ERC1: variants seen among roughly 807,000 people sequenced by gnomAD.
The protein encoded by ERC1 is ELKS/RAB6-interacting/CAST family member 1, also known as RAB6 interacting protein 2.
In ERC1, 56 loss-of-function variants were observed where a neutral mutation model predicts 132.0. The observed-to-expected ratio is 0.42, with a 90% CI of 0.34 to 0.53. The LOEUF (loss-of-function observed/expected upper bound fraction) is 0.53, where lower values mean the gene tolerates loss of function less well. Among genes scored for constraint, ERC1 ranks in the 20% least tolerant of loss-of-function variants. The probability of loss-of-function intolerance (pLI) is 0.03; values close to 1 mark genes in which losing one functional copy is unlikely to be tolerated. For missense variants in ERC1, 1,202 were observed against 1,349.9 expected (o/e 0.89, Z 1.72); for synonymous variants, 478 against 476.1 (o/e 1.00, Z -0.05).
At chr12:1,058,177 C>T (rs1973352785) in intron 2 of ERC1, among the ~76,000 whole-genome samples, 1 of 152,070 alleles carries the variant, frequency 6.6e-6, no homozygotes, top group African/African-American at 2.4e-5. Flanking sequence ...TGTGCAGAAG[C>T]TTTTTAAGTT....
At position 1,493,743 on chromosome 12, in the gene ERC1, G is replaced by A; in HGVS notation, c.*3513G>A. On this transcript the variant is annotated 3_prime_UTR_variant, in exon 19 of 19. Transcript: ENST00000360905. ...AAGGCCGCCTTCAGTGTCAAGAAGG[G>A]CATTGTGACTTGCCCCTCAATTTCT... 4.7e-6 allele frequency: 1 copy of A among 212,194 alleles called. No homozygotes were observed. The highest frequency in any genetic ancestry group is 9.5e-6 in the Non-Finnish European group (1 of 105,328). 13.1% of individuals were successfully genotyped at this position (212,194 alleles called of 1,614,324 possible). A position where few individuals can be genotyped will look rare whatever the true frequency, so the allele number is the denominator to read the frequency against.
intron 1 of ERC1, among the ~76,000 whole-genome samples, chr12:1,010,621 C>T (rs1382616440): frequency 4.0e-5 from 6 of 150,816 alleles, no homozygotes; most frequent in Admixed American, 1.3e-4. Flanking sequence ...AGTGATTCTC[C>T]TGCCTCAGCC....
At chr12:1,308,244 G>A (rs147424907) in intron 15 of ERC1, among the ~76,000 whole-genome samples, 1 of 151,764 alleles carries the variant, frequency 6.6e-6, no homozygotes, top group Non-Finnish European at 1.5e-5. Flanking sequence ...TGCATGAATG[G>A]TAGCAGTTAC....
At chr12:1,071,061 A>G (rs564934227) in intron 2 of ERC1, among the ~76,000 whole-genome samples, 1 of 152,268 alleles carries the variant, frequency 6.6e-6, no homozygotes, top group East Asian at 1.9e-4. Flanking sequence ...GTAACACTCC[A>G]TTGTGTGAAT....
At chr12:1,150,984 T>C (rs1950784357) in intron 8 of ERC1, among the ~76,000 whole-genome samples, 1 of 152,236 alleles carries the variant, frequency 6.6e-6, no homozygotes, top group African/African-American at 2.4e-5. Flanking sequence ...ATGACAAATG[T>C]GTCATACTAA....
At chr12:1,056,738 T>C (rs1236212102) in intron 2 of ERC1, among the ~76,000 whole-genome samples, 1 of 152,210 alleles carries the variant, frequency 6.6e-6, no homozygotes, top group South Asian at 2.1e-4. Flanking sequence ...TGAACATACC[T>C]GGCCCCCAGG....
At chr12:1,010,111 A>G (rs1276397182) in intron 1 of ERC1, among the ~76,000 whole-genome samples, 1 of 152,180 alleles carries the variant, frequency 6.6e-6, no homozygotes. Context: ...ACTATTTAAA[A>G]AACTGCCTTG....
At chr12:1,082,316 G>A (rs1014186052) in intron 2 of ERC1, among the ~76,000 whole-genome samples, 11 of 151,044 alleles carry the variant, frequency 7.3e-5, no homozygotes, top group Admixed American at 2.6e-4. Flanking sequence ...GTGAACCACC[G>A]TGCCTGGCCA....
At chr12:1,039,064 C>T (rs889162363) in intron 2 of ERC1, among the ~76,000 whole-genome samples, 27 of 151,962 alleles carry the variant, frequency 1.8e-4, no homozygotes, top group African/African-American at 5.6e-4. Flanking sequence ...GGGCCAGGCA[C>T]GGTGGCTCAC....
At chr12:1,441,208 G>A (rs1446881419) in intron 17 of ERC1, among the ~76,000 whole-genome samples, 10 of 151,846 alleles carry the variant, frequency 6.6e-5, no homozygotes, top group South Asian at 2.1e-4. Context: ...ACAGGCATGC[G>A]CCACCATGCC....
intron 2 of ERC1, among the ~76,000 whole-genome samples, chr12:1,039,631 A>G (rs935182464): frequency 6.6e-6 from 1 of 152,214 alleles, no homozygotes; most frequent in East Asian, 1.9e-4. Context: ...CCTACGATTA[A>G]CAACGGAAAT....
At chr12:1,097,150 C>T (rs978140362) in intron 3 of ERC1, among the ~76,000 whole-genome samples, 1 of 152,090 alleles carries the variant, frequency 6.6e-6, no homozygotes, top group Admixed American at 6.5e-5. Context: ...AATGACAATT[C>T]CATCATCTTT....
chr12:1,247,267 G>A (rs190851277), intron 13 of ERC1, among the ~76,000 whole-genome samples: 38 of 151,398 alleles, frequency 2.5e-4, no homozygotes, highest in African/African-American at 8.2e-4. Context: ...AAGGACATTG[G>A]TGGAAAAACA....
intron 17 of ERC1, among the ~76,000 whole-genome samples, chr12:1,441,551 C>G (rs1215366256): frequency 6.6e-6 from 1 of 152,128 alleles, no homozygotes; most frequent in Non-Finnish European, 1.5e-5. Flanking sequence ...TTTTGTCAGT[C>G]AAAAGTAATT....
At chr12:1,004,401 CTTTTTTTTTTTTT>C (rs71055118) in intron 1 of ERC1, among the ~76,000 whole-genome samples, 4 of 95,024 alleles carry the variant, frequency 4.2e-5, no homozygotes, top group African/African-American at 1.2e-4. Context: ...TTTTCTTTCT[CTTTTTTTTTTTTT>C]TTTTTTTTTT....
At chr12:1,461,239 A>G (rs781345192) in intron 18 of ERC1, among the ~76,000 whole-genome samples, 65 of 152,190 alleles carry the variant, frequency 4.3e-4, no homozygotes, top group Non-Finnish European at 2.1e-4. Flanking sequence ...ACAATTAGCC[A>G]TATGGATTAT....
intron 15 of ERC1, among the ~76,000 whole-genome samples, chr12:1,361,745 A>T (rs1360526188): frequency 6.6e-6 from 1 of 152,206 alleles, no homozygotes; most frequent in East Asian, 1.9e-4. Flanking sequence ...ATTATTCATT[A>T]AAAAACTGAG....
chr12:1,360,253 G>A (rs2154370242), intron 15 of ERC1, among the ~76,000 whole-genome samples: 1 of 152,306 alleles, frequency 6.6e-6, no homozygotes, highest in Admixed American at 6.5e-5. Context: ...ACAGGGATCT[G>A]GATGTCATTC....
intron 1 of ERC1, among the ~76,000 whole-genome samples, chr12:1,025,329 T>C (rs745569505): frequency 2.0e-5 from 3 of 152,232 alleles, no homozygotes; most frequent in Admixed American, 1.3e-4. Context: ...TGTTTCAAAA[T>C]TGGCATTTCC....
Sources: gnomAD v4.1 joint callset for allele counts (sites outside exome capture counted in the v4.1 genomes callset) on GRCh38, gnomAD v4.1.1 for gene constraint, MANE v1.5 for transcripts, NCBI Gene and HGNC (gene_info 2026-07-23, HGNC 2026-07-21) for gene names.